POLN: variants seen among roughly 807,000 people sequenced by gnomAD.
POLN encodes DNA polymerase N.
In POLN, 108 loss-of-function variants were observed where a neutral mutation model predicts 113.5. That is an observed-to-expected ratio of 0.95 (90% CI 0.81 to 1.12). POLN has a LOEUF of 1.12. Ranked by LOEUF, POLN falls within the 50% of genes most tolerant of loss-of-function variation. POLN has a pLI of 0.00. For synonymous variants in POLN, 386 were observed against 391.5 expected, an observed-to-expected ratio of 0.99 and a Z score of 0.17; for missense variants, 1,097 against 1,077.1, an observed-to-expected ratio of 1.02 and a Z score of -0.26.
rs765518897 is a variant in POLN at position 2,091,761 on chromosome 4, CTGTGTGTGTG to C, written c.2065+4080_2065+4089del. On this transcript the variant is annotated intron_variant, in intron 20 of 25. Transcript: ENST00000511885. ...CCCTATCCGGTGGGTACACGTGAAT[CTGTGTGTGTG>C]TGTGTGTGTGTGTGTGTGTGTGTGT... 2.9e-3 allele frequency among the ~76,000 whole-genome samples: 428 copies of C among 145,206 alleles called. 4 individuals carry two copies. Among genetic ancestry groups the C allele is most frequent in the African/African-American group, 9.8e-3 (383 of 38,942 alleles).
intron 3 of POLN, among the ~76,000 whole-genome samples, chr4:2,213,535 G>C (rs1734041291): frequency 6.6e-6 from 1 of 152,146 alleles, no homozygotes; most frequent in Non-Finnish European, 1.5e-5. Flanking sequence ...TTCTAATTTA[G>C]ATTTTGATTT....
chr4:2,078,887 C>T lies in POLN; in HGVS notation c.2387+2071G>A, dbSNP rs574001989. ...AACAGAGAGAGACCTCAGCTCCTCA[C>T]ATGCCAACTTCCTTTATCAATTCCA... On this transcript the variant is annotated intron_variant, in intron 23 of 25. Transcript: ENST00000511885. 36 of 985,490 alleles carry T rather than the reference C, an allele frequency of 3.7e-5. No individual in the cohort carries two copies. In the South Asian group the frequency reaches 1.2e-3, roughly 32 times the overall value. 61.0% of individuals were successfully genotyped at this position (985,490 alleles called of 1,614,324 possible).
At chr4:2,192,646 C>A (rs1733479928) in intron 7 of POLN, among the ~76,000 whole-genome samples, 1 of 151,772 alleles carries the variant, frequency 6.6e-6, no homozygotes, top group African/African-American at 2.4e-5. Context: ...CCATGTCCAT[C>A]CAGTTTTCAA....
chr4:2,238,193 CTA>C (rs1222957650), intron 2 of POLN, among the ~76,000 whole-genome samples: 2 of 152,118 alleles, frequency 1.3e-5, no homozygotes, highest in Non-Finnish European at 2.9e-5. Context: ...ATTCTCCTGA[CTA>C]CACACAAAAA....
chr4:2,184,121 T>C (rs942052632), intron 7 of POLN, among the ~76,000 whole-genome samples: 9 of 151,210 alleles, frequency 6.0e-5, no homozygotes, highest in Non-Finnish European at 1.2e-4. Context: ...CCCAAAGTGC[T>C]GGGATTACAG....
At chr4:2,153,753 TTTTTGCATG>T (rs1413096488) in intron 16 of POLN, among the ~76,000 whole-genome samples, 1 of 151,868 alleles carries the variant, frequency 6.6e-6, no homozygotes, top group East Asian at 2.0e-4. Flanking sequence ...CGGCTAATTT[TTTTTGCATG>T]TTTAGCAGAG....
rs570378199 is a variant in POLN at position 2,081,811 on chromosome 4, G to A, written c.2198-68C>T. The stretch of plus-strand genomic sequence containing the variant: ...CACCACAGCAGGTGCAGCTCCCTCG[G>A]GCCAGGTCCAGAGGCCACAGAGGGA... On this transcript the variant is annotated intron_variant, in intron 21 of 25. Transcript: ENST00000511885. The A allele has an allele frequency of 2.9e-6, 4 of 1,393,530 alleles. No individual in the cohort carries two copies. The East Asian group carries it at 7.0e-5, about 24-fold the overall frequency. The allele number at this position is 1,393,530 out of a possible 1,614,324, so 86.3% of individuals were successfully genotyped here. A position where few individuals can be genotyped will look rare whatever the true frequency, so the allele number is the denominator to read the frequency against.
chr4:2,240,130 G>A (rs980134116), intron 2 of POLN: 2 of 1,613,742 alleles, frequency 1.2e-6, no homozygotes, highest in South Asian at 1.1e-5. Context: ...AACTGATGTT[G>A]AGCACAAATG....
intron 5 of POLN, among the ~76,000 whole-genome samples, chr4:2,202,003 TACA>T (rs1037419156): frequency 6.6e-6 from 1 of 152,090 alleles, no homozygotes; most frequent in Non-Finnish European, 1.5e-5. Flanking sequence ...AGGCCAGCAC[TACA>T]ACAACTGTTA....
intron 19 of POLN, among the ~76,000 whole-genome samples, chr4:2,121,105 C>G (rs2108718602): frequency 6.6e-6 from 1 of 151,936 alleles, no homozygotes. Flanking sequence ...TAAGTTGTTC[C>G]TGATCTTAGG....
chr4:2,085,417 C>T (rs2108692404), intron 21 of POLN, among the ~76,000 whole-genome samples, 196 bp downstream of exon 21: 1 of 152,302 alleles, frequency 6.6e-6, no homozygotes. Context: ...TGTGTTGCTT[C>T]AAGCCGCCCA....
intron 7 of POLN, among the ~76,000 whole-genome samples, chr4:2,185,500 C>T (rs1733248252): frequency 6.6e-6 from 1 of 152,226 alleles, no homozygotes; most frequent in African/African-American, 2.4e-5. Flanking sequence ...AATCCCAGCA[C>T]TTTGGGAGGC....
At position 2,173,962 on chromosome 4, in the gene POLN, A is replaced by G. The variant is rs759604891; in HGVS notation, c.1367T>C (p.Leu456Pro). The G allele has an allele frequency of 6.2e-7, 1 of 1,614,206 alleles. No homozygotes were observed. Among genetic ancestry groups the G allele is most frequent in the Admixed American group, 1.7e-5 (1 of 60,028 alleles). Residue 456 changes from leucine to proline, a missense_variant, in exon 11 of 26, where the codon CTT becomes CCT. Physicochemically the swap from Leu to Pro is moderately conservative, Grantham distance 98. Transcript: ENST00000511885. The part of the protein sequence containing the change: ...NKEEMEKTSA[L>P]LGARLKELEQ... ...TCTGGAATAATAACTTACCCCAAGA[A>G]GTGCTGACGTCTTCTCCATCTCCTC...
At chr4:2,197,123 G>A (rs1356416464) in intron 6 of POLN, among the ~76,000 whole-genome samples, 1 of 152,198 alleles carries the variant, frequency 6.6e-6, no homozygotes, top group East Asian at 1.9e-4. Context: ...GTGATGTGGG[G>A]TTTTCCTCAG....
intron 24 of POLN, among the ~76,000 whole-genome samples, chr4:2,073,844 T>TCAG (rs1730211572): frequency 1.3e-5 from 2 of 152,208 alleles, no homozygotes; most frequent in African/African-American, 4.8e-5. Flanking sequence ...TGGTGTGTCC[T>TCAG]GAGCAGGGCC....
At chr4:2,115,733 T>G (rs1339866299) in intron 19 of POLN, among the ~76,000 whole-genome samples, 1 of 152,214 alleles carries the variant, frequency 6.6e-6, no homozygotes, top group African/African-American at 2.4e-5. Context: ...GTCAAGCCAC[T>G]AGATTTGGAA....
chr4:2,240,407 G>C (rs761606642), intron 2 of POLN: 5 of 1,612,972 alleles, frequency 3.1e-6, no homozygotes, highest in African/African-American at 1.3e-5. Flanking sequence ...TAGAATGTCT[G>C]AAGAACATCA....
chr4:2,115,228 A>ATATT (rs72052264), intron 19 of POLN, among the ~76,000 whole-genome samples: 1,426 of 129,846 alleles, frequency 0.011, 18 homozygotes, highest in South Asian at 0.023. Context: ...ATATATATAT[A>ATATT]TTTTTTTTTT....
chr4:2,157,850 C>T lies in POLN; in HGVS notation c.1665+8G>A. On this transcript the variant is annotated splice_region_variant and intron_variant, in intron 15 of 25. Transcript: ENST00000511885. The stretch of plus-strand genomic sequence containing the variant: ...CTAATCACAGTATCTTTTTGTAAAG[C>T]TTGTTACCTTTTTCATGCAAGCTAG... The T allele has an allele frequency of 3.8e-6, 6 of 1,592,746 alleles. No individual in the cohort carries two copies. The highest frequency in any genetic ancestry group is 5.2e-6 in the Non-Finnish European group (6 of 1,163,108).
Sources: allele counts gnomAD v4.1 joint callset (sites outside exome capture counted in the v4.1 genomes callset), GRCh38; gene constraint gnomAD v4.1.1; transcripts MANE v1.5; gene names NCBI Gene and HGNC (gene_info 2026-07-23, HGNC 2026-07-21).